NALF1: variants seen among roughly 807,000 people sequenced by gnomAD.
The protein encoded by NALF1 is NALCN channel auxiliary factor 1, also known as family with sequence similarity 155 member A.
A neutral mutation model predicts 48.4 loss-of-function variants in NALF1; 3 were observed. The ratio of observed to expected loss-of-function variants is 0.06; its 90% CI spans 0.03 to 0.16. The LOEUF (loss-of-function observed/expected upper bound fraction) is 0.16. NALF1 is among the 10% of genes least tolerant of loss of function. The probability of loss-of-function intolerance (pLI) is 1.00; values close to 1 mark genes in which losing one functional copy is unlikely to be tolerated. For synonymous variants in NALF1, 262 were observed against 245.7 expected, an observed-to-expected ratio of 1.07 and a Z score of -0.62; for missense variants, 526 against 571.5, an observed-to-expected ratio of 0.92 and a Z score of 0.81.
intron 1 of NALF1, among the ~76,000 whole-genome samples, chr13:107,726,063 GTCTC>G (rs1209866559): frequency 2.0e-5 from 3 of 152,026 alleles, no homozygotes; most frequent in Non-Finnish European, 4.4e-5. Context: ...CCTCATCTCT[GTCTC>G]TCTCTCCCTA....
At chr13:107,288,876 G>C (rs1387826528) in intron 1 of NALF1, among the ~76,000 whole-genome samples, 1 of 152,162 alleles carries the variant, frequency 6.6e-6, no homozygotes, top group Admixed American at 6.6e-5. Context: ...CAATGATGCA[G>C]CTAACACTCT....
At chr13:107,612,870 C>A (rs1210039216) in intron 1 of NALF1, among the ~76,000 whole-genome samples, 1 of 152,090 alleles carries the variant, frequency 6.6e-6, no homozygotes, top group Non-Finnish European at 1.5e-5. Flanking sequence ...CATAGGATAA[C>A]TATTTGTCTA....
intron 1 of NALF1, among the ~76,000 whole-genome samples, chr13:107,817,854 T>C (rs5806696): frequency 1.5e-4 from 4 of 27,162 alleles, no homozygotes; most frequent in South Asian, 2.1e-3. Flanking sequence ...CTTCCATTTG[T>C]TTATTTGCAT....
intron 1 of NALF1, among the ~76,000 whole-genome samples, chr13:107,749,149 T>TGC (rs1410177436): frequency 1.3e-5 from 2 of 152,024 alleles, no homozygotes; most frequent in African/African-American, 4.8e-5. Flanking sequence ...TGTGTGTGTG[T>TGC]GTGTGTGTGT....
At chr13:107,424,746 T>C (rs1019143380) in intron 1 of NALF1, among the ~76,000 whole-genome samples, 1 of 152,218 alleles carries the variant, frequency 6.6e-6, no homozygotes, top group African/African-American at 2.4e-5. Context: ...TATCATCTAC[T>C]ACTCATATAA....
chr13:107,573,628 G>C (rs967254771), intron 1 of NALF1, among the ~76,000 whole-genome samples: 2 of 152,118 alleles, frequency 1.3e-5, no homozygotes, highest in Non-Finnish European at 2.9e-5. Context: ...TGATTTGGTT[G>C]TGTCCCCACC....
At chr13:107,566,705 CCTTT>C (rs765074106) in intron 1 of NALF1, among the ~76,000 whole-genome samples, 6 of 152,142 alleles carry the variant, frequency 3.9e-5, no homozygotes, top group Non-Finnish European at 1.5e-5. Flanking sequence ...TGCTTTTAAT[CCTTT>C]CTAACGAATG....
intron 1 of NALF1, among the ~76,000 whole-genome samples, chr13:107,700,400 A>G (rs1268243374): frequency 6.6e-6 from 1 of 150,692 alleles, no homozygotes; most frequent in Non-Finnish European, 1.5e-5. Flanking sequence ...ATATGGGAAA[A>G]TAGTTTATTA....
At chr13:107,670,007 C>T (rs1054451685) in intron 1 of NALF1, among the ~76,000 whole-genome samples, 3 of 152,082 alleles carry the variant, frequency 2.0e-5, no homozygotes, top group African/African-American at 7.2e-5. Flanking sequence ...ACAGAAAATG[C>T]CAAATAGTCA....
chr13:107,537,433 G>A (rs1226467222), intron 1 of NALF1, among the ~76,000 whole-genome samples: 1 of 152,122 alleles, frequency 6.6e-6, no homozygotes, highest in Non-Finnish European at 1.5e-5. Flanking sequence ...TGAAGGATAT[G>A]AATGGAACTG....
At chr13:107,217,477 G>C (rs370462883) in intron 1 of NALF1, among the ~76,000 whole-genome samples, 2 of 152,100 alleles carry the variant, frequency 1.3e-5, no homozygotes, top group East Asian at 3.9e-4. Flanking sequence ...GTCCATCCTC[G>C]TGATTCAATT....
At chr13:107,316,483 A>G (rs1882152928) in intron 1 of NALF1, among the ~76,000 whole-genome samples, 1 of 152,232 alleles carries the variant, frequency 6.6e-6, no homozygotes, top group Non-Finnish European at 1.5e-5. Flanking sequence ...ACTGACTTCC[A>G]CAATGGTTGA....
chr13:107,191,274 A>G (rs1258477565), intron 2 of NALF1, among the ~76,000 whole-genome samples: 1 of 152,160 alleles, frequency 6.6e-6, no homozygotes, highest in African/African-American at 2.4e-5. Context: ...AAAAAAAAAA[A>G]ATGAGTTTGA....
chr13:107,335,927 A>AT (rs138586740), intron 1 of NALF1, among the ~76,000 whole-genome samples: 35 of 150,778 alleles, frequency 2.3e-4, no homozygotes, highest in Non-Finnish European at 3.6e-4. Flanking sequence ...CCAAATATTA[A>AT]TTTTTTTTTT....
chr13:107,269,486 G>A (rs1333389604), intron 1 of NALF1, among the ~76,000 whole-genome samples: 1 of 152,162 alleles, frequency 6.6e-6, no homozygotes, highest in African/African-American at 2.4e-5. Context: ...AGATGAATAT[G>A]TTTATAGTAT....
chr13:107,475,115 G>C (rs548595404), intron 1 of NALF1, among the ~76,000 whole-genome samples: 14 of 152,174 alleles, frequency 9.2e-5, no homozygotes, highest in Non-Finnish European at 1.9e-4. Context: ...GAGAGAAGAG[G>C]CCAGAAGAGC....
In NALF1 at chr13:107,580,064, T is replaced by C. The variant is rs914400220; in HGVS notation, c.915+285618A>G. 9.2e-5 allele frequency among the ~76,000 whole-genome samples: 14 copies of C among 152,070 alleles called. No individual in the cohort carries two copies. The East Asian group carries it at 2.1e-3, about 23-fold the overall frequency. ...AACCAACCCAAATGTCCAATAATGATAGACTGGATTAAGAAAATGTGGCAC... is the reference window on the plus strand; with the variant it reads ...AACCAACCCAAATGTCCAATAATGACAGACTGGATTAAGAAAATGTGGCAC... On this transcript the variant is annotated intron_variant, in intron 1 of 2. Transcript: ENST00000375915.
intron 1 of NALF1, among the ~76,000 whole-genome samples, chr13:107,252,435 G>T: frequency 6.6e-6 from 1 of 151,142 alleles, no homozygotes; most frequent in Non-Finnish European, 1.5e-5. Context: ...AGAGAGGAAA[G>T]GAGAAAGAGA....
At chr13:107,221,863 G>GT (rs1880001105) in intron 1 of NALF1, among the ~76,000 whole-genome samples, 1 of 152,156 alleles carries the variant, frequency 6.6e-6, no homozygotes, top group South Asian at 2.1e-4. Context: ...TCATGATACT[G>GT]TAAGTGTAGA....
Sources: allele counts gnomAD v4.1 joint callset (sites outside exome capture counted in the v4.1 genomes callset), GRCh38; gene constraint gnomAD v4.1.1; transcripts MANE v1.5; gene names NCBI Gene and HGNC (gene_info 2026-07-23, HGNC 2026-07-21).